Variants in SLC22A23 observed in about 807,000 individuals in gnomAD.
SLC22A23 encodes ion transporter protein.
Under a neutral mutation model 61.0 loss-of-function variants are expected in SLC22A23, and 26 were observed. The ratio of observed to expected loss-of-function variants is 0.43; its 90% confidence interval spans 0.31 to 0.59. The LOEUF (loss-of-function observed/expected upper bound fraction) is 0.59. Ranked by LOEUF, SLC22A23 falls within the 20% of genes least tolerant of loss-of-function variation. The pLI is 0.11. For synonymous variants in SLC22A23, 430 were observed against 413.9 expected (o/e 1.04, Z -0.47); for missense variants, 796 against 934.7 (o/e 0.85, Z 1.94).
In SLC22A23 at chr6:3,372,315, CAG is replaced by C. The variant is rs1335014421; in HGVS notation, c.913+37871_913+37872del. Among the ~76,000 whole-genome samples the C allele has an allele frequency of 1.3e-5, 2 of 152,166 alleles. No homozygotes were observed. The highest frequency in any genetic ancestry group is 4.8e-5 in the African/African-American group (2 of 41,428). On this transcript the variant is annotated intron_variant, in intron 3 of 9. Transcript: ENST00000406686. This position sits in a 1 kb window ranked among gnomAD's most constrained non-coding sequence, Gnocchi z 4.7. Reference sequence around the variant, plus strand: ...AGGGTATGAATGCAGTAACAGGTAACAGGGATTTGAAAATGTGGAATAAAAGT... The same window carrying C: ...AGGGTATGAATGCAGTAACAGGTAACGGATTTGAAAATGTGGAATAAAAGT...
At chr6:3,363,476 G>A (rs190274541) in intron 3 of SLC22A23, among the ~76,000 whole-genome samples, 7 of 152,350 alleles carry the variant, frequency 4.6e-5, no homozygotes, top group Admixed American at 4.6e-4. Context: ...GGATGGAAAA[G>A]AATGAGCAGG....
chr6:3,450,655 A>C (rs1350279807), intron 1 of SLC22A23, among the ~76,000 whole-genome samples: 1 of 152,234 alleles, frequency 6.6e-6, no homozygotes, highest in East Asian at 1.9e-4. Context: ...AAATCAGCAA[A>C]AATATCATGC....
intron 1 of SLC22A23, among the ~76,000 whole-genome samples, chr6:3,452,251 A>G (rs1347997520): frequency 6.6e-6 from 1 of 152,178 alleles, no homozygotes; most frequent in Non-Finnish European, 1.5e-5. Context: ...CTTGTACAGA[A>G]CACATGGCAC....
chr6:3,287,987 C>T (rs908648669), intron 6 of SLC22A23, among the ~76,000 whole-genome samples: 4 of 152,168 alleles, frequency 2.6e-5, no homozygotes, highest in African/African-American at 7.2e-5. Context: ...ACCCGGCCTC[C>T]GTTTTGATTC....
At chr6:3,348,610 A>G (rs983512294) in intron 3 of SLC22A23, among the ~76,000 whole-genome samples, 2 of 152,176 alleles carry the variant, frequency 1.3e-5, no homozygotes, top group Non-Finnish European at 1.5e-5. Flanking sequence ...CATCCACCAC[A>G]TTCCCGGCAC....
Position 3,324,511 on chromosome 6 carries a change from A to G in SLC22A23, c.914-509T>C, listed in dbSNP as rs1169903202. Reference sequence around the variant, plus strand: ...CACCCCTTCTTCTGGTTCTCACTCCAGGGCTCCTTGAGCACTCCGAGTTCC... The same window carrying G: ...CACCCCTTCTTCTGGTTCTCACTCCGGGGCTCCTTGAGCACTCCGAGTTCC... On this transcript the variant is annotated intron_variant, in intron 3 of 9. Coordinates refer to ENST00000406686, the MANE Select transcript of SLC22A23 (RefSeq NM_015482.2). The surrounding 1 kb of genome is among the most constrained non-coding windows in gnomAD (Gnocchi z 4.3). 6.6e-6 allele frequency among the ~76,000 whole-genome samples: 1 copy of G among 152,094 alleles called. No homozygotes were observed. The highest frequency in any genetic ancestry group is 2.4e-5 in the African/African-American group (1 of 41,400).
intron 7 of SLC22A23, among the ~76,000 whole-genome samples, chr6:3,285,830 C>T (rs1759942558): frequency 6.6e-6 from 1 of 152,120 alleles, no homozygotes; most frequent in Non-Finnish European, 1.5e-5. Context: ...ACAGCCCTGG[C>T]GTCTAGTTCT....
intron 9 of SLC22A23, among the ~76,000 whole-genome samples, chr6:3,274,628 C>T (rs1053970025): frequency 4.6e-5 from 7 of 152,142 alleles, no homozygotes; most frequent in Admixed American, 2.6e-4. Flanking sequence ...CTATAGGTAG[C>T]TCCTAACTCA....
At chr6:3,299,258 A>G (rs1250104834) in intron 4 of SLC22A23, among the ~76,000 whole-genome samples, 1 of 152,248 alleles carries the variant, frequency 6.6e-6, no homozygotes, top group Non-Finnish European at 1.5e-5. Context: ...TGGAGAAACA[A>G]TTCACGGAAG....
chr6:3,283,983 A>T lies in SLC22A23; in HGVS notation c.1580-8T>A, dbSNP rs1352742250. The T allele has an allele frequency of 6.3e-7, 1 of 1,597,424 alleles. No individual in the cohort carries two copies. The highest frequency in any genetic ancestry group is 1.7e-5 in the Admixed American group (1 of 59,556). On this transcript the variant is annotated splice_region_variant and splice_polypyrimidine_tract_variant and intron_variant, in intron 8 of 9. Coordinates refer to ENST00000406686, the MANE Select transcript of SLC22A23 (RefSeq NM_015482.2). ...TGACGCTGTCACTCATCCCTGGGGG[A>T]AGGTCAGAAGAAGGTGGTGAGGGAA... is the stretch of plus-strand genomic sequence containing the variant.
intron 3 of SLC22A23, among the ~76,000 whole-genome samples, chr6:3,378,911 A>C (rs1345581447): frequency 6.6e-6 from 1 of 152,014 alleles, no homozygotes. Flanking sequence ...CACCTGCCTC[A>C]GCCTCCCAAA....
chr6:3,307,419 C>T (rs1054504527), intron 4 of SLC22A23, among the ~76,000 whole-genome samples: 2 of 151,914 alleles, frequency 1.3e-5, no homozygotes, highest in Non-Finnish European at 2.9e-5. Flanking sequence ...ATTCATGATT[C>T]TGGAACCCCC....
chr6:3,375,227 A>G (rs1230506934), intron 3 of SLC22A23, among the ~76,000 whole-genome samples: 1 of 152,216 alleles, frequency 6.6e-6, no homozygotes, highest in Admixed American at 6.5e-5. Context: ...ACCAGTTGAT[A>G]GTTGGTTTAT....
chr6:3,336,351 CAA>C (rs1561907083), intron 3 of SLC22A23, among the ~76,000 whole-genome samples: 1 of 152,200 alleles, frequency 6.6e-6, no homozygotes, highest in Non-Finnish European at 1.5e-5. Flanking sequence ...CTTTTGCTAC[CAA>C]AGAGTTCTTC....
chr6:3,396,120 C>T (rs1306515353), intron 3 of SLC22A23, among the ~76,000 whole-genome samples: 1 of 152,194 alleles, frequency 6.6e-6, no homozygotes, highest in Non-Finnish European at 1.5e-5. Flanking sequence ...TGCTCCATCT[C>T]TTAGTGATAT....
Position 3,271,831 on chromosome 6 carries a change from G to A in SLC22A23, c.*1224C>T, listed in dbSNP as rs9503516. 0.09 allele frequency: 13,712 copies of A among 152,452 alleles called. 723 individuals are homozygous for A. Among genetic ancestry groups the A allele is most frequent in the Middle Eastern group, 0.17 (51 of 294 alleles). The allele number at this position is 152,452 out of a possible 1,614,324, so 9.4% of individuals were successfully genotyped here. On this transcript the variant is annotated 3_prime_UTR_variant, in exon 10 of 10. Coordinates refer to ENST00000406686, the MANE Select transcript of SLC22A23 (RefSeq NM_015482.2). ...GAGGTCGAGGCAGGGGCAGCGTTGA[G>A]CTTTGGTGAGTTATTGCTTTCTTTC...
intron 6 of SLC22A23, among the ~76,000 whole-genome samples, chr6:3,287,451 A>G (rs1581612834): frequency 6.6e-6 from 1 of 152,192 alleles, no homozygotes; most frequent in Middle Eastern, 3.4e-3. Flanking sequence ...CAGGGCCGCA[A>G]TCCAACAGCC....
rs1253891732 is a variant in SLC22A23, at chr6:3,329,077, C to G, written c.914-5075G>C. On this transcript the variant is annotated intron_variant, in intron 3 of 9. Transcript: ENST00000406686. The surrounding 1 kb of genome is among the most constrained non-coding windows in gnomAD (Gnocchi z 4.8). ...CAAAGGTCCGAGCTGTGCTACTGAGCAGGGCTTGGCCCCAGCTCCAGCGGC... is the reference window on the plus strand; with the variant it reads ...CAAAGGTCCGAGCTGTGCTACTGAGGAGGGCTTGGCCCCAGCTCCAGCGGC... Among the ~76,000 whole-genome samples, 1 of 152,176 alleles carries G rather than the reference C, an allele frequency of 6.6e-6. No individual in the cohort carries two copies. The highest frequency in any genetic ancestry group is 2.4e-5 in the African/African-American group (1 of 41,422).
At chr6:3,293,082 G>A (rs952682157) in intron 5 of SLC22A23, among the ~76,000 whole-genome samples, 3 of 152,198 alleles carry the variant, frequency 2.0e-5, no homozygotes, top group Admixed American at 2.0e-4. Context: ...GAGGAGCAGG[G>A]AAAACACACG....
Sources: allele counts gnomAD v4.1 joint callset (sites outside exome capture counted in the v4.1 genomes callset), GRCh38; gene constraint gnomAD v4.1.1; non-coding constraint Gnocchi (gnomAD v3.1); transcripts MANE v1.5; gene names NCBI Gene and HGNC (gene_info 2026-07-23, HGNC 2026-07-21).